AKIRIN1: variants seen among roughly 807,000 people sequenced by gnomAD.
AKIRIN1 encodes the protein akirin-1.
In AKIRIN1, 4 loss-of-function variants were observed where a neutral mutation model predicts 25.9. The observed-to-expected ratio is 0.15, with a 90% CI of 0.08 to 0.35. The LOEUF is 0.35. AKIRIN1 is among the 10% of genes least tolerant of loss of function. The pLI is 1.00. For missense variants in AKIRIN1, 243 were observed against 266.1 expected (o/e 0.91, Z 0.61); for synonymous variants, 125 against 105.1 (o/e 1.19, Z -1.16).
chr1:39,003,303 T>G, intron 3 of AKIRIN1, 44 bp from the exon 4 acceptor site: 1 of 1,575,744 alleles, frequency 6.3e-7, no homozygotes, highest in African/African-American at 1.3e-5. Context: ...TCTTAAAAAT[T>G]GAGGGAGAGT....
chr1:38,998,212 C>G lies in AKIRIN1; in HGVS notation c.262C>G (p.Gln88Glu), dbSNP rs779268132. 48 of 1,613,220 alleles carry G rather than the reference C, an allele frequency of 3.0e-5. No individual in the cohort carries two copies. Among genetic ancestry groups the G allele is most frequent in the Admixed American group, 1.0e-4 (6 of 59,878 alleles). The part of the protein sequence containing the change: ...QNIKQEYSRY[Q>E]RWRHLEVVLN... ...CATAAAACAAGAATATAGTCGTTAT[C>G]AGAGGTGGAGACATTTAGAAGTTGT... Residue 88 changes from glutamine to glutamate, a missense_variant, in exon 2 of 5, where the codon CAG becomes GAG. Gln to Glu is a conservative substitution (Grantham distance 29, BLOSUM62 2). Around this residue, in one of 3 missense-constraint regions of AKIRIN1, gnomAD observed 190 missense variants for 174.4 expected, o/e 1.09. Transcript: ENST00000432648.
chr1:38,998,399 T>A, intron 2 of AKIRIN1, 88 bp downstream of exon 2: 1 of 1,367,976 alleles, frequency 7.3e-7, no homozygotes, highest in Non-Finnish European at 9.8e-7. Flanking sequence ...TCCTCTAATG[T>A]AATAGAATTG....
chr1:38,995,807 C>T (rs149654960), intron 1 of AKIRIN1, among the ~76,000 whole-genome samples: 58 of 152,200 alleles, frequency 3.8e-4, no homozygotes, highest in African/African-American at 8.7e-4. Context: ...CCGAGGCGGG[C>T]GGATCAGCTG....
At chr1:38,991,822 G>C (rs1224940651) in intron 1 of AKIRIN1, among the ~76,000 whole-genome samples, 1 of 152,170 alleles carries the variant, frequency 6.6e-6, no homozygotes, top group Non-Finnish European at 1.5e-5. Flanking sequence ...TTTCCTGGGG[G>C]AGGAGAGCCT....
In AKIRIN1 at chr1:39,005,574, T is replaced by C. The variant is rs1644028415; in HGVS notation, c.*1519T>C. On this transcript the variant is annotated 3_prime_UTR_variant, in exon 5 of 5. Coordinates refer to ENST00000432648, the MANE Select transcript of AKIRIN1 (RefSeq NM_024595.3). ...AATGCCTTGTTTCCTTCATTGTTTC[T>C]GGAAAGGAAAGTTCTATTAATATTG... 2 of 152,226 alleles carry C rather than the reference T, an allele frequency of 1.3e-5. No individual in the cohort carries two copies. The highest frequency in any genetic ancestry group is 1.3e-4 in the Admixed American group (2 of 15,274). 9.4% of individuals were successfully genotyped at this position (152,226 alleles called of 1,614,324 possible).
intron 2 of AKIRIN1, 113 bp from the exon 3 acceptor site, chr1:39,000,859 T>C: frequency 8.2e-7 from 1 of 1,212,614 alleles, no homozygotes; most frequent in Non-Finnish European, 1.1e-6. Flanking sequence ...TTTCTCCACG[T>C]TGTCAGGCTG....
At chr1:38,995,239 A>G (rs572167489) in intron 1 of AKIRIN1, among the ~76,000 whole-genome samples, 1 of 152,286 alleles carries the variant, frequency 6.6e-6, no homozygotes, top group South Asian at 2.1e-4. Flanking sequence ...ATGTAACTAA[A>G]TTATAGTGGA....
At chr1:39,003,080 A>G (rs564620324) in intron 3 of AKIRIN1, among the ~76,000 whole-genome samples, 3 of 152,242 alleles carry the variant, frequency 2.0e-5, no homozygotes, top group African/African-American at 7.2e-5. Flanking sequence ...AGATAGAGTT[A>G]TGTCACGGGG....
At chr1:38,999,484 C>T (rs1338028653) in intron 2 of AKIRIN1, among the ~76,000 whole-genome samples, 1 of 152,120 alleles carries the variant, frequency 6.6e-6, no homozygotes, top group Non-Finnish European at 1.5e-5. Context: ...GTGACTTTTA[C>T]CTCAACAAAT....
At chr1:38,995,409 G>A (rs1336248563) in intron 1 of AKIRIN1, among the ~76,000 whole-genome samples, 1 of 152,154 alleles carries the variant, frequency 6.6e-6, no homozygotes, top group African/African-American at 2.4e-5. Flanking sequence ...CTCAAGTAAT[G>A]GAGGGAAGGA....
chr1:38,993,862 G>GCC (rs1371727958), intron 1 of AKIRIN1, among the ~76,000 whole-genome samples: 1 of 151,872 alleles, frequency 6.6e-6, no homozygotes, highest in Non-Finnish European at 1.5e-5. Context: ...CCTGAGGTCG[G>GCC]GAGTTCAAGA....
rs1467996617 is a variant in AKIRIN1, at chr1:39,004,288, T to C, written c.*233T>C. ...ACAGCTGTGCCCTACTGTGATAGATTTTCCAAACAAAAATACCTGGAGCAG... is the reference window on the plus strand; with the variant it reads ...ACAGCTGTGCCCTACTGTGATAGATCTTCCAAACAAAAATACCTGGAGCAG... On this transcript the variant is annotated 3_prime_UTR_variant, in exon 5 of 5. Coordinates refer to ENST00000432648, the MANE Select transcript of AKIRIN1 (RefSeq NM_024595.3). 1 of 672,066 alleles carries C rather than the reference T, an allele frequency of 1.5e-6. No homozygotes were observed. The highest frequency in any genetic ancestry group is 2.2e-5 in the Admixed American group (1 of 45,608). 41.6% of individuals were successfully genotyped at this position (672,066 alleles called of 1,614,324 possible).
At chr1:38,998,886 A>AT (rs1643967936) in intron 2 of AKIRIN1, among the ~76,000 whole-genome samples, 1 of 151,692 alleles carries the variant, frequency 6.6e-6, no homozygotes, top group African/African-American at 2.4e-5. Context: ...AAAAAAAAAA[A>AT]GTTTTTTTAA....
Position 38,997,481 on chromosome 1 carries a change from C to A in AKIRIN1, c.221-690C>A, listed in dbSNP as rs1376953383. On this transcript the variant is annotated intron_variant, in intron 1 of 4. Coordinates refer to ENST00000432648, the MANE Select transcript of AKIRIN1 (RefSeq NM_024595.3). Reference sequence around the variant, plus strand: ...TAAACATAATGGTTTCTGCTGCCCCCTTTCCCAAAGTTTATTTTGATTTGT... The same window carrying A: ...TAAACATAATGGTTTCTGCTGCCCCATTTCCCAAAGTTTATTTTGATTTGT... Among the ~76,000 whole-genome samples, 4 of 152,084 alleles carry A rather than the reference C, an allele frequency of 2.6e-5. No individual in the cohort carries two copies. In the East Asian group the frequency reaches 7.7e-4, roughly 29 times the overall value.
intron 2 of AKIRIN1, among the ~76,000 whole-genome samples, chr1:39,000,345 C>CT (rs3078308): frequency 0.13 from 16,474 of 128,106 alleles, 1,185 homozygotes; most frequent in Non-Finnish European, 0.16. Flanking sequence ...TTTTCTTTTT[C>CT]TTTTTTTTTT....
Position 38,994,720 on chromosome 1 carries a change from G to A in AKIRIN1, c.220+3120G>A, listed in dbSNP as rs1381362169. Among the ~76,000 whole-genome samples the A allele has an allele frequency of 2.6e-4, 21 of 79,860 alleles. No individual in the cohort carries two copies. In the Admixed American group the frequency reaches 3.3e-3, roughly 13 times the overall value. 52.4% of individuals were successfully genotyped at this position (79,860 alleles called of 152,430 possible). A position where few individuals can be genotyped will look rare whatever the true frequency, so the allele number is the denominator to read the frequency against. ...TTTTTTTTTTTTGAGATGACGTTTC[G>A]CTCTTGTTGCCCAGGCTGGAGTGCA... On this transcript the variant is annotated intron_variant, in intron 1 of 4. Transcript: ENST00000432648.
rs887421342 is a variant in AKIRIN1 at position 38,998,188 on chromosome 1, A to G, written c.238A>G (p.Ile80Val). The change falls in exon 2 of 5, where the codon ATA (isoleucine) becomes GTA (valine). Residue 80 changes from isoleucine (I) to valine (V), a missense_variant. This residue lies in a region of AKIRIN1 where 190 missense variants were observed against 174.4 expected (regional missense o/e 1.09). Transcript: ENST00000432648. ...TTTATTAGAGCAAATTTTTCAGAAC[A>G]TAAAACAAGAATATAGTCGTTATCA... ...LPTPEQIFQNIKQEYSRYQRW... is the reference protein window; with the variant it reads ...LPTPEQIFQNVKQEYSRYQRW... 1.2e-6 allele frequency: 2 copies of G among 1,609,928 alleles called. No individual in the cohort carries two copies. The highest frequency in any genetic ancestry group is 2.2e-5 in the South Asian group (2 of 89,878).
chr1:38,992,065 G>A (rs537349182), intron 1 of AKIRIN1, among the ~76,000 whole-genome samples: 9 of 152,282 alleles, frequency 5.9e-5, no homozygotes, highest in East Asian at 5.8e-4. Flanking sequence ...CCTGTAGGGA[G>A]ACATGATTTC....
At chr1:38,995,398 C>T (rs568926612) in intron 1 of AKIRIN1, among the ~76,000 whole-genome samples, 37 of 152,182 alleles carry the variant, frequency 2.4e-4, no homozygotes, top group Non-Finnish European at 4.3e-4. Context: ...GGCAGCACAA[C>T]CTCAAGTAAT....
Sources: allele counts gnomAD v4.1 joint callset (sites outside exome capture counted in the v4.1 genomes callset), GRCh38; gene constraint gnomAD v4.1.1; regional missense constraint gnomAD v4.1.1; transcripts MANE v1.5; gene names NCBI Gene and HGNC (gene_info 2026-07-23, HGNC 2026-07-21).